The following TPD52 variants were observed in gnomAD, a reference collection of about 807,000 sequenced individuals.
TPD52 encodes prostate and colon associated protein.
Under a neutral mutation model 31.3 loss-of-function variants are expected in TPD52, and 17 were observed. The observed-to-expected ratio is 0.54, with a 90% CI of 0.37 to 0.82. TPD52 has a LOEUF of 0.82. Ranked by LOEUF, TPD52 falls within the 40% of genes least tolerant of loss-of-function variation. The pLI is 0.00. For synonymous variants in TPD52, 83 were observed against 89.6 expected (o/e 0.93, Z 0.42); for missense variants, 212 against 240.1 (o/e 0.88, Z 0.77).
In TPD52 at chr8:80,038,329, T is replaced by C. The variant is rs1810059177; in HGVS notation, c.505-94A>G. The stretch of plus-strand genomic sequence containing the variant: ...ACTCTAATTCACTTTCAAGAACAAA[T>C]ACATCAGCAACCTTATAGCTCAGTG... On this transcript the variant is annotated intron_variant, in intron 7 of 7. Coordinates refer to ENST00000518937, the MANE Select transcript of TPD52 (RefSeq NM_001025253.3). 3.1e-6 allele frequency: 4 copies of C among 1,300,328 alleles called. No homozygotes were observed. In the South Asian group the frequency reaches 4.0e-5, roughly 13 times the overall value. 80.5% of individuals were successfully genotyped at this position (1,300,328 alleles called of 1,614,324 possible).
intron 1 of TPD52, among the ~76,000 whole-genome samples, chr8:80,091,295 C>T (rs940982105): frequency 6.6e-6 from 1 of 152,032 alleles, no homozygotes; most frequent in East Asian, 1.9e-4. Flanking sequence ...GGTGAAACCC[C>T]GTCTCTACTA....
intron 1 of TPD52, among the ~76,000 whole-genome samples, chr8:80,147,561 A>G (rs953191437): frequency 6.6e-6 from 1 of 152,192 alleles, no homozygotes; most frequent in African/African-American, 2.4e-5. Context: ...AGAAAGCTAA[A>G]CTATTTGCAT....
intron 1 of TPD52, among the ~76,000 whole-genome samples, chr8:80,134,562 C>G (rs1809255739): frequency 6.6e-6 from 1 of 152,188 alleles, no homozygotes; most frequent in Non-Finnish European, 1.5e-5. Flanking sequence ...GAAAAAGGAC[C>G]ATATCTGTGC....
In TPD52 at chr8:80,060,145, G is replaced by GA. The variant is rs746243724; in HGVS notation, c.135+4332dup. ...TGACAAACCTATAGCTAGACTGACC[G>GA]AAAAAAAAAAAAGAGAGAGAAGGCA... On this transcript the variant is annotated intron_variant, in intron 2 of 7. Transcript: ENST00000518937. Among the ~76,000 whole-genome samples the GA allele has an allele frequency of 6.5e-3, 811 of 124,148 alleles. 5 individuals carry two copies. The highest frequency in any genetic ancestry group is 0.02 in the African/African-American group (688 of 33,748). 81.4% of individuals were successfully genotyped at this position (124,148 alleles called of 152,430 possible). A position where few individuals can be genotyped will look rare whatever the true frequency, so the allele number is the denominator to read the frequency against.
At chr8:80,140,476 T>C (rs73269629) in intron 1 of TPD52, among the ~76,000 whole-genome samples, 1 of 152,336 alleles carries the variant, frequency 6.6e-6, no homozygotes, top group African/African-American at 2.4e-5. Flanking sequence ...AAAGTAGTAT[T>C]TAATGGTTTT....
intron 1 of TPD52, among the ~76,000 whole-genome samples, chr8:80,141,173 C>T (rs1006378225): frequency 4.6e-5 from 7 of 152,120 alleles, no homozygotes; most frequent in Admixed American, 2.6e-4. Flanking sequence ...ATGCAACTCA[C>T]GACACATCAG....
intron 1 of TPD52, among the ~76,000 whole-genome samples, chr8:80,093,198 G>A (rs1420757313): frequency 6.6e-6 from 1 of 152,084 alleles, no homozygotes; most frequent in Non-Finnish European, 1.5e-5. Flanking sequence ...ATAATAAACA[G>A]AGTCCAGAAT....
rs189378824 is a variant in TPD52 at position 80,102,494 on chromosome 8, A to G, written c.20-37901T>C. Among the ~76,000 whole-genome samples, 70 of 152,332 alleles carry G rather than the reference A, an allele frequency of 4.6e-4. 1 individual carries two copies. The highest frequency in any genetic ancestry group is 6.5e-4 in the Non-Finnish European group (44 of 68,036). On this transcript the variant is annotated intron_variant, in intron 1 of 7. Coordinates refer to ENST00000518937, the MANE Select transcript of TPD52 (RefSeq NM_001025253.3). ...CTAAACCTGGTAACATGTGGGAGGC[A>G]ACTACACGAGTGTGAAGACCAGATC...
At position 80,105,304 on chromosome 8, in the gene TPD52, C is replaced by G. The variant is rs183432138; in HGVS notation, c.20-40711G>C. 3.2e-3 allele frequency among the ~76,000 whole-genome samples: 493 copies of G among 152,278 alleles called. 2 individuals are homozygous for G. Among genetic ancestry groups the G allele is most frequent in the Non-Finnish European group, 5.1e-3 (344 of 68,020 alleles). ...TCCACAGGCAGACAGCCCAGCACCA[C>G]ACCCTGGGCCTGGTAGTTAAAGATC... On this transcript the variant is annotated intron_variant, in intron 1 of 7. Coordinates refer to ENST00000518937, the MANE Select transcript of TPD52 (RefSeq NM_001025253.3).
chr8:80,040,625 C>T (rs1810291496), intron 7 of TPD52, among the ~76,000 whole-genome samples: 1 of 152,152 alleles, frequency 6.6e-6, no homozygotes, highest in East Asian at 1.9e-4. Flanking sequence ...GAAGTTTCTC[C>T]TCATGTCCAA....
intron 1 of TPD52, among the ~76,000 whole-genome samples, chr8:80,131,801 TA>T (rs1342255943): frequency 1.3e-5 from 2 of 152,148 alleles, no homozygotes; most frequent in African/African-American, 2.4e-5. Context: ...CTGAATAGCG[TA>T]AAACTATTAA....
chr8:80,112,486 C>G (rs1807562198), intron 1 of TPD52, among the ~76,000 whole-genome samples: 1 of 152,068 alleles, frequency 6.6e-6, no homozygotes, highest in Non-Finnish European at 1.5e-5. Flanking sequence ...CTAGTACCCC[C>G]AAGTGATTCT....
At chr8:80,163,878 A>G (rs923012098) in intron 1 of TPD52, among the ~76,000 whole-genome samples, 2 of 152,154 alleles carry the variant, frequency 1.3e-5, no homozygotes, top group Non-Finnish European at 2.9e-5. Context: ...AACTTTTTTT[A>G]ATGATGTGGT....
intron 1 of TPD52, among the ~76,000 whole-genome samples, chr8:80,125,168 C>T (rs748171430): frequency 6.6e-6 from 1 of 152,200 alleles, no homozygotes; most frequent in Non-Finnish European, 1.5e-5. Context: ...CAGAGTCCAA[C>T]AGATATGAAG....
intron 1 of TPD52, among the ~76,000 whole-genome samples, chr8:80,112,909 T>C (rs982519321): frequency 6.6e-6 from 1 of 152,222 alleles, no homozygotes; most frequent in Non-Finnish European, 1.5e-5. Context: ...ATGAGATATA[T>C]TGGGGATGGG....
intron 1 of TPD52, among the ~76,000 whole-genome samples, chr8:80,144,103 T>C (rs907303961): frequency 3.9e-5 from 6 of 152,160 alleles, no homozygotes; most frequent in African/African-American, 1.4e-4. Flanking sequence ...GAAGGTATAA[T>C]CAGAATCAAC....
intron 1 of TPD52, chr8:80,080,271 G>C (rs1563608577): frequency 3.2e-6 from 5 of 1,583,422 alleles, no homozygotes; most frequent in Non-Finnish European, 4.3e-6. Context: ...GTTATGTCTA[G>C]GTTTTATTCC....
intron 6 of TPD52, among the ~76,000 whole-genome samples, chr8:80,043,592 G>A (rs1810573018): frequency 6.6e-6 from 1 of 152,108 alleles, no homozygotes; most frequent in Admixed American, 6.5e-5. Context: ...AGGATCAGAG[G>A]CTCTAGAGGT....
intron 1 of TPD52, among the ~76,000 whole-genome samples, chr8:80,152,271 C>T (rs1005314496): frequency 1.3e-5 from 2 of 152,112 alleles, no homozygotes; most frequent in Non-Finnish European, 2.9e-5. Context: ...ATATCCTCAG[C>T]AGGAGGATGA....
Sources: gnomAD v4.1 joint callset for allele counts (sites outside exome capture counted in the v4.1 genomes callset) on GRCh38, gnomAD v4.1.1 for gene constraint, MANE v1.5 for transcripts, NCBI Gene and HGNC (gene_info 2026-07-23, HGNC 2026-07-21) for gene names.